PTPN13: variants seen among roughly 807,000 people sequenced by gnomAD.
The protein encoded by PTPN13 is protein tyrosine phosphatase non-receptor type 13, also known as tyrosine-protein phosphatase non-receptor type 13.
PTPN13 carries 191 observed loss-of-function variants against 284.0 expected under a neutral mutation model. The observed-to-expected ratio is 0.67, with a 90% CI of 0.60 to 0.76. The LOEUF (loss-of-function observed/expected upper bound fraction) is 0.76. Ranked by LOEUF, PTPN13 falls within the 30% of genes least tolerant of loss-of-function variation. PTPN13 has a pLI of 0.00. For missense variants in PTPN13, 2,797 were observed against 2,939.9 expected (o/e 0.95, Z 1.12); for synonymous variants, 986 against 1,022.3 (o/e 0.96, Z 0.68).
chr4:86,701,791 G>T lies in PTPN13; in HGVS notation c.1185G>T (p.Met395Ile). 1 of 1,608,280 alleles carries T rather than the reference G, an allele frequency of 6.2e-7. No individual in the cohort carries two copies. The highest frequency in any genetic ancestry group is 1.3e-5 in the African/African-American group (1 of 74,618). Residue 395 changes from methionine to isoleucine, a missense_variant, in exon 7 of 48, where the codon ATG (methionine) becomes ATT (isoleucine). Physicochemically the swap from Met to Ile is conservative, Grantham distance 10. Coordinates refer to ENST00000411767, the MANE Select transcript of PTPN13 (RefSeq NM_080683.3). ...AACTTCAGGTTCTGAGGGAAGCCAT[G>T]AATGTAGAAGGTTAGTAATTCTGTG... is the stretch of plus-strand genomic sequence containing the variant. ...QKKLQVLREA[M>I]NVEEPVRRYK...
chr4:86,773,957 T>C (rs910717792), intron 32 of PTPN13, among the ~76,000 whole-genome samples: 2 of 152,168 alleles, frequency 1.3e-5, no homozygotes, highest in Non-Finnish European at 2.9e-5. Context: ...TGTGGCTCTT[T>C]GCATCTGTTT....
At chr4:86,703,899 G>A (rs1216632628) in intron 7 of PTPN13, among the ~76,000 whole-genome samples, 3 of 151,930 alleles carry the variant, frequency 2.0e-5, no homozygotes, top group African/African-American at 7.3e-5. Context: ...TTGGCCAGGC[G>A]TGGTGGCTCA....
chr4:86,700,155 A>G (rs1264643905), intron 6 of PTPN13, among the ~76,000 whole-genome samples: 1 of 152,186 alleles, frequency 6.6e-6, no homozygotes, highest in East Asian at 1.9e-4. Context: ...ATTTGTGTTC[A>G]GGGAATTAAA....
chr4:86,655,736 C>T (rs578171712), intron 2 of PTPN13, among the ~76,000 whole-genome samples: 6 of 152,194 alleles, frequency 3.9e-5, no homozygotes, highest in Non-Finnish European at 7.4e-5. Flanking sequence ...TTGTTCTTCT[C>T]GAGGAGTATC....
chr4:86,730,925 C>T (rs1447870022), intron 10 of PTPN13, among the ~76,000 whole-genome samples: 71 of 152,184 alleles, frequency 4.7e-4, no homozygotes, highest in Admixed American at 2.0e-4. Context: ...TGTTCCTATT[C>T]GGCTATCTTC....
intron 40 of PTPN13, among the ~76,000 whole-genome samples, chr4:86,787,802 A>G (rs1165405154): frequency 6.6e-6 from 1 of 152,222 alleles, no homozygotes; most frequent in Non-Finnish European, 1.5e-5. Context: ...TGTGAGACGT[A>G]TAAATTTGCC....
intron 2 of PTPN13, among the ~76,000 whole-genome samples, chr4:86,658,674 A>G (rs1726128966): frequency 6.6e-6 from 1 of 152,222 alleles, no homozygotes; most frequent in African/African-American, 2.4e-5. Context: ...AAGGTCCAAC[A>G]TACCTCTGAG....
In PTPN13 at chr4:86,689,198, A is replaced by C; in HGVS notation, c.546+8A>C. 1.9e-6 allele frequency: 3 copies of C among 1,605,640 alleles called. No individual in the cohort carries two copies. The highest frequency in any genetic ancestry group is 2.6e-6 in the Non-Finnish European group (3 of 1,172,600). Reference sequence around the variant, plus strand: ...CTGGGAAATCTTTCTGGGGTAAGCTACAGTTACAATAGTAAATATAGTCAT... The same window carrying C: ...CTGGGAAATCTTTCTGGGGTAAGCTCCAGTTACAATAGTAAATATAGTCAT... On this transcript the variant is annotated splice_region_variant and intron_variant, in intron 5 of 47. Coordinates refer to ENST00000411767, the MANE Select transcript of PTPN13 (RefSeq NM_080683.3).
intron 10 of PTPN13, among the ~76,000 whole-genome samples, 192 bp from the exon 11 acceptor site, chr4:86,732,208 T>A (rs1430195640): frequency 6.6e-6 from 1 of 152,190 alleles, no homozygotes; most frequent in Non-Finnish European, 1.5e-5. Context: ...TAAGGCATAC[T>A]CCATTTCTGT....
intron 6 of PTPN13, among the ~76,000 whole-genome samples, chr4:86,698,385 A>T (rs902453601): frequency 4.6e-5 from 7 of 152,182 alleles, no homozygotes; most frequent in African/African-American, 1.7e-4. Flanking sequence ...CTGAAATATA[A>T]GTAGAAGTTT....
In PTPN13 at chr4:86,718,408, C is replaced by T. The variant is rs79935381; in HGVS notation, c.1385+1291C>T. On this transcript the variant is annotated intron_variant, in intron 9 of 47. Coordinates refer to ENST00000411767, the MANE Select transcript of PTPN13 (RefSeq NM_080683.3). ...CAGACTATTCACAGTTTAGAGTGTACGTAATTAAATACTTTACACTAAAAT... is the reference window on the plus strand; with the variant it reads ...CAGACTATTCACAGTTTAGAGTGTATGTAATTAAATACTTTACACTAAAAT... Among the ~76,000 whole-genome samples the T allele has an allele frequency of 3.8e-3, 570 of 151,134 alleles. 3 individuals are homozygous for T. The highest frequency in any genetic ancestry group is 0.013 in the African/African-American group (552 of 41,282).
intron 7 of PTPN13, 74 bp downstream of exon 7, chr4:86,701,875 T>C (rs1306271839): frequency 7.3e-7 from 1 of 1,372,142 alleles, no homozygotes. Context: ...GAAGGGTTAT[T>C]AAATTATTCC....
At chr4:86,795,138 A>G (rs1156418756) in intron 40 of PTPN13, among the ~76,000 whole-genome samples, 5 of 152,214 alleles carry the variant, frequency 3.3e-5, no homozygotes, top group African/African-American at 9.7e-5. Context: ...TTTGCAATCT[A>G]CCCATCTGAC....
intron 23 of PTPN13, among the ~76,000 whole-genome samples, chr4:86,760,893 A>G (rs1464154815): frequency 6.6e-6 from 1 of 152,070 alleles, no homozygotes; most frequent in African/African-American, 2.4e-5. Context: ...GAAAATTACC[A>G]ATGTGTATTC....
intron 3 of PTPN13, among the ~76,000 whole-genome samples, chr4:86,674,121 T>C: frequency 6.6e-6 from 1 of 152,174 alleles, no homozygotes; most frequent in East Asian, 1.9e-4. Context: ...TATAGTGATA[T>C]AACTGACTTC....
intron 15 of PTPN13, among the ~76,000 whole-genome samples, chr4:86,738,055 G>A (rs946892119): frequency 2.0e-5 from 3 of 151,924 alleles, no homozygotes; most frequent in Admixed American, 6.6e-5. Flanking sequence ...ATTCATCCAT[G>A]GTGTGGTATA....
chr4:86,802,705 A>T (rs1744169250), intron 42 of PTPN13, among the ~76,000 whole-genome samples: 1 of 152,120 alleles, frequency 6.6e-6, no homozygotes, highest in African/African-American at 2.4e-5. Context: ...AGATGCGGTG[A>T]GAATGGGCTG....
intron 2 of PTPN13, among the ~76,000 whole-genome samples, chr4:86,652,166 A>G: frequency 6.6e-6 from 1 of 151,892 alleles, no homozygotes; most frequent in Non-Finnish European, 1.5e-5. Flanking sequence ...CTCAATTTTA[A>G]TAATTTTTGC....
chr4:86,665,962 T>G (rs1465150615), intron 2 of PTPN13, among the ~76,000 whole-genome samples: 1 of 152,216 alleles, frequency 6.6e-6, no homozygotes. Flanking sequence ...TGGCACTTAC[T>G]GCTGTATGCC....
Sources: gnomAD v4.1 joint callset for allele counts (sites outside exome capture counted in the v4.1 genomes callset) on GRCh38, gnomAD v4.1.1 for gene constraint, MANE v1.5 for transcripts, NCBI Gene and HGNC (gene_info 2026-07-23, HGNC 2026-07-21) for gene names.